IMPG1: variants seen among roughly 807,000 people sequenced by gnomAD.
IMPG1 encodes the protein interphotoreceptor matrix proteoglycan of 150 kDa.
Under a neutral mutation model 92.0 loss-of-function variants are expected in IMPG1, and 85 were observed. The observed-to-expected ratio is 0.92, with a 90% CI of 0.78 to 1.11. The LOEUF is 1.11. Among genes scored for constraint, IMPG1 ranks in the 50% least tolerant of loss-of-function variants. The pLI is 0.00. For missense variants in IMPG1, 1,022 were observed against 956.0 expected (o/e 1.07, Z -0.91); for synonymous variants, 367 against 334.1 (o/e 1.10, Z -1.08).
At chr6:76,012,943 C>A (rs554739125) in intron 7 of IMPG1, among the ~76,000 whole-genome samples, 2 of 152,162 alleles carry the variant, frequency 1.3e-5, no homozygotes, top group East Asian at 3.9e-4. Flanking sequence ...TTCCCTCCCA[C>A]CCCCCACATG....
chr6:75,980,973 C>T (rs1297524261), intron 12 of IMPG1, among the ~76,000 whole-genome samples: 2 of 152,156 alleles, frequency 1.3e-5, no homozygotes, highest in Non-Finnish European at 2.9e-5. Flanking sequence ...TTTTAAGAAG[C>T]CCTCTGGGGG....
At chr6:76,072,289 A>C in intron 1 of IMPG1, 133 bp downstream of exon 1, 2 of 512,282 alleles carry the variant, frequency 3.9e-6, no homozygotes, top group Non-Finnish European at 3.5e-6. Context: ...CAATCAATCA[A>C]GCAATATTTA....
chr6:76,027,860 A>G (rs1022746848), intron 4 of IMPG1, among the ~76,000 whole-genome samples: 6 of 152,238 alleles, frequency 3.9e-5, no homozygotes, highest in African/African-American at 9.6e-5. Context: ...ATTATGTTTC[A>G]TAATATCAAG....
chr6:76,015,001 A>G (rs1409594195), intron 7 of IMPG1, among the ~76,000 whole-genome samples: 1 of 152,180 alleles, frequency 6.6e-6, no homozygotes, highest in Non-Finnish European at 1.5e-5. Context: ...ACTAACCACT[A>G]AATTGCTAAT....
intron 16 of IMPG1, among the ~76,000 whole-genome samples, chr6:75,922,392 A>T (rs563293458): frequency 6.6e-6 from 1 of 152,294 alleles, no homozygotes; most frequent in African/African-American, 2.4e-5. Flanking sequence ...GACCCATCTC[A>T]TAGAGCAGGA....
intron 12 of IMPG1, among the ~76,000 whole-genome samples, chr6:75,962,636 T>C (rs1037048152): frequency 6.6e-6 from 1 of 152,042 alleles, no homozygotes; most frequent in East Asian, 1.9e-4. Context: ...AAGACAGCGG[T>C]CCAAAAGTCC....
chr6:75,990,003 A>G (rs1310368356), intron 12 of IMPG1, among the ~76,000 whole-genome samples: 1 of 152,224 alleles, frequency 6.6e-6, no homozygotes, highest in Non-Finnish European at 1.5e-5. Flanking sequence ...TACCTTAAAT[A>G]TATACGATTT....
chr6:76,014,009 C>G (rs1445484395), intron 7 of IMPG1, among the ~76,000 whole-genome samples: 1 of 152,184 alleles, frequency 6.6e-6, no homozygotes, highest in Non-Finnish European at 1.5e-5. Context: ...GGTAGCTCAG[C>G]TTTTGGGTGA....
At chr6:75,990,386 A>G (rs2149472888) in intron 12 of IMPG1, among the ~76,000 whole-genome samples, 1 of 152,292 alleles carries the variant, frequency 6.6e-6, no homozygotes, top group East Asian at 1.9e-4. Flanking sequence ...AAATCCTCTT[A>G]TCTTTTGGTT....
chr6:75,960,860 C>T (rs1444775031), intron 12 of IMPG1, among the ~76,000 whole-genome samples: 2 of 152,116 alleles, frequency 1.3e-5, no homozygotes, highest in Non-Finnish European at 2.9e-5. Context: ...TGCTAGAGTG[C>T]GTGTGTGGGT....
chr6:75,929,301 C>T (rs1582047700), intron 15 of IMPG1, among the ~76,000 whole-genome samples: 1 of 152,014 alleles, frequency 6.6e-6, no homozygotes, highest in African/African-American at 2.4e-5. Flanking sequence ...AATGATATCT[C>T]CTAATTGTTT....
At chr6:75,962,362 A>G (rs1782224934) in intron 12 of IMPG1, among the ~76,000 whole-genome samples, 1 of 152,064 alleles carries the variant, frequency 6.6e-6, no homozygotes, top group Non-Finnish European at 1.5e-5. Context: ...CCTGGGCTCA[A>G]ATGATCCTTC....
intron 12 of IMPG1, among the ~76,000 whole-genome samples, chr6:75,974,374 TCTTTCTTTCTTTCTTTC>T (rs1562354590): frequency 1.7e-5 from 2 of 118,874 alleles, no homozygotes; most frequent in African/African-American, 6.3e-5. Flanking sequence ...TTTCTTTCTT[TCTTTCTTTCTTTCTTTC>T]TTTTCTTTCT....
intron 1 of IMPG1, among the ~76,000 whole-genome samples, chr6:76,068,308 A>T (rs1046554881): frequency 6.6e-6 from 1 of 151,930 alleles, no homozygotes; most frequent in Non-Finnish European, 1.5e-5. Context: ...CCTCCAAAAG[A>T]CTCCTAGATT....
chr6:76,044,908 A>G (rs1460228497), intron 1 of IMPG1, among the ~76,000 whole-genome samples: 1 of 152,100 alleles, frequency 6.6e-6, no homozygotes, highest in South Asian at 2.1e-4. Flanking sequence ...GTTTTATCCT[A>G]TCGGGGTAGG....
rs1784417864 is a variant in IMPG1, at chr6:76,072,484, T to C, written c.5A>G (p.Tyr2Cys). Residue 2 changes from tyrosine to cysteine, a missense_variant, in exon 1 of 17, where the codon TAT becomes TGT. Coordinates refer to ENST00000369950, the MANE Select transcript of IMPG1 (RefSeq NM_001563.4). MYLETRRAIFVF... is the reference protein window; with the variant it reads MCLETRRAIFVF... ...AAAAATAGCTCTTCTAGTTTCCAAA[T>C]ACATTCTGGCTTTTGTGCATTGGTA... The C allele has an allele frequency of 6.3e-7, 1 of 1,590,720 alleles. No homozygotes were observed. Among genetic ancestry groups the C allele is most frequent in the Non-Finnish European group, 8.6e-7 (1 of 1,164,330 alleles).
In IMPG1 at chr6:75,950,957, GT is replaced by G. The variant is rs775770292; in HGVS notation, c.1428del (p.Pro477GlnfsTer43). Reference protein sequence around the residue: ...DTMATDQTMLVPGLTIPTSDY... With the variant: ...DTMATDQTMLXPGLTIPTSDY... Reference sequence around the variant, plus strand: ...TCACTGGTGGGGATGGTGAGCCCTGGTACTAGCATTGTCTGGTCAGTGGCCA... The same window carrying G: ...TCACTGGTGGGGATGGTGAGCCCTGGACTAGCATTGTCTGGTCAGTGGCCA... On this transcript the variant is annotated frameshift_variant, in exon 13 of 17. Transcript: ENST00000369950. LOFTEE classifies it high-confidence loss of function. The G allele has an allele frequency of 5.7e-5, 92 of 1,613,858 alleles. No individual in the cohort carries two copies. Among genetic ancestry groups the G allele is most frequent in the Non-Finnish European group, 7.3e-5 (86 of 1,179,956 alleles).
At chr6:75,958,936 C>G (rs1156936934) in intron 12 of IMPG1, among the ~76,000 whole-genome samples, 1 of 152,080 alleles carries the variant, frequency 6.6e-6, no homozygotes, top group African/African-American at 2.4e-5. Flanking sequence ...AAGTTGCGAT[C>G]CTTTGGAAGA....
At chr6:75,991,573 T>A (rs1213446556) in intron 12 of IMPG1, among the ~76,000 whole-genome samples, 1 of 152,084 alleles carries the variant, frequency 6.6e-6, no homozygotes, top group African/African-American at 2.4e-5. Context: ...GTGGAACTGG[T>A]TAGATGCCAC....
Sources: gnomAD v4.1 joint callset for allele counts (sites outside exome capture counted in the v4.1 genomes callset) on GRCh38, gnomAD v4.1.1 for gene constraint, MANE v1.5 for transcripts, NCBI Gene and HGNC (gene_info 2026-07-23, HGNC 2026-07-21) for gene names.